The following STXBP6 variants were observed in gnomAD, a reference collection of about 807,000 sequenced individuals.
STXBP6 encodes syntaxin-binding protein 6.
A neutral mutation model predicts 26.9 loss-of-function variants in STXBP6; 21 were observed. That is an observed-to-expected ratio of 0.78 (90% CI 0.55 to 1.12). STXBP6 has a LOEUF of 1.12. Ranked by LOEUF, STXBP6 falls within the 50% of genes most tolerant of loss-of-function variation. The probability of loss-of-function intolerance (pLI) is 0.00; values close to 1 mark genes in which losing one functional copy is unlikely to be tolerated. For missense variants in STXBP6, 232 were observed against 257.9 expected (o/e 0.90, Z 0.69); for synonymous variants, 97 against 92.6 (o/e 1.05, Z -0.27).
intron 2 of STXBP6, among the ~76,000 whole-genome samples, chr14:24,877,512 C>A (rs1416201544): frequency 6.6e-6 from 1 of 151,978 alleles, no homozygotes; most frequent in Non-Finnish European, 1.5e-5. Flanking sequence ...TATACATATT[C>A]TTTCCTTCCT....
chr14:24,900,612 A>G (rs1210952180), intron 2 of STXBP6, among the ~76,000 whole-genome samples: 2 of 152,238 alleles, frequency 1.3e-5, no homozygotes, highest in Non-Finnish European at 2.9e-5. Context: ...AGAAAGTTCT[A>G]CAAAATTATT....
At chr14:25,033,260 G>C (rs2075493000) in intron 1 of STXBP6, among the ~76,000 whole-genome samples, 1 of 152,082 alleles carries the variant, frequency 6.6e-6, no homozygotes, top group Non-Finnish European at 1.5e-5. Context: ...ACCACATCCA[G>C]TCATATCACT....
At position 24,833,171 on chromosome 14, in the gene STXBP6, T is replaced by C. The variant is rs367619549; in HGVS notation, c.452-13977A>G. On this transcript the variant is annotated intron_variant, in intron 4 of 5. Transcript: ENST00000323944. Reference sequence around the variant, plus strand: ...TGGATCTGCATTCACCCCAGCCTCATGACGTTGCAGTTACACCAAGGATAT... The same window carrying C: ...TGGATCTGCATTCACCCCAGCCTCACGACGTTGCAGTTACACCAAGGATAT... Among the ~76,000 whole-genome samples, 4 of 152,322 alleles carry C rather than the reference T, an allele frequency of 2.6e-5. No homozygotes were observed. In the East Asian group the frequency reaches 5.8e-4, roughly 22 times the overall value.
At chr14:24,826,313 T>C (rs948413807) in intron 4 of STXBP6, among the ~76,000 whole-genome samples, 1 of 152,098 alleles carries the variant, frequency 6.6e-6, no homozygotes, top group Non-Finnish European at 1.5e-5. Flanking sequence ...ATCTATCTCA[T>C]GAGATTGCTG....
At chr14:24,913,089 C>T (rs117948473) in intron 2 of STXBP6, among the ~76,000 whole-genome samples, 2,184 of 152,238 alleles carry the variant, frequency 0.014, 21 homozygotes, top group Non-Finnish European at 0.023. Flanking sequence ...AATTCACAGA[C>T]TCATCAAATG....
chr14:24,939,678 G>T (rs2072733330), intron 2 of STXBP6, among the ~76,000 whole-genome samples: 1 of 152,012 alleles, frequency 6.6e-6, no homozygotes, highest in Non-Finnish European at 1.5e-5. Flanking sequence ...ACAAAATGTG[G>T]GTAACATTCA....
At chr14:24,877,994 T>C (rs993831923) in intron 2 of STXBP6, among the ~76,000 whole-genome samples, 2 of 152,152 alleles carry the variant, frequency 1.3e-5, no homozygotes, top group Non-Finnish European at 2.9e-5. Flanking sequence ...TGCATTTGTC[T>C]TATTATTGGT....
chr14:24,913,153 G>A (rs2071635612), intron 2 of STXBP6, among the ~76,000 whole-genome samples: 1 of 152,062 alleles, frequency 6.6e-6, no homozygotes, highest in Non-Finnish European at 1.5e-5. Context: ...TCCACTGAGG[G>A]GATTCCAACA....
At chr14:24,847,746 G>C (rs2069012766) in intron 4 of STXBP6, among the ~76,000 whole-genome samples, 3 of 152,122 alleles carry the variant, frequency 2.0e-5, no homozygotes. Context: ...CCATTCTCTT[G>C]TAAAGTTTAG....
intron 4 of STXBP6, among the ~76,000 whole-genome samples, chr14:24,825,270 A>G (rs921309491): frequency 6.6e-6 from 1 of 152,178 alleles, no homozygotes; most frequent in Non-Finnish European, 1.5e-5. Context: ...TTAAAGGAGG[A>G]AAAATAAATT....
chr14:24,853,918 G>A (rs747547176), intron 4 of STXBP6, among the ~76,000 whole-genome samples: 1 of 152,094 alleles, frequency 6.6e-6, no homozygotes, highest in Non-Finnish European at 1.5e-5. Flanking sequence ...GGATATTCAG[G>A]AAGGCAAAGG....
chr14:24,838,430 A>G (rs2068687180), intron 4 of STXBP6, among the ~76,000 whole-genome samples: 1 of 152,224 alleles, frequency 6.6e-6, no homozygotes, highest in South Asian at 2.1e-4. Flanking sequence ...TCATGCCTGT[A>G]ATCCGAGCAC....
At chr14:24,876,872 T>A (rs895623958) in intron 2 of STXBP6, among the ~76,000 whole-genome samples, 1 of 152,220 alleles carries the variant, frequency 6.6e-6, no homozygotes, top group African/African-American at 2.4e-5. Context: ...TTTGGCACTA[T>A]AATTTAACAC....
intron 2 of STXBP6, among the ~76,000 whole-genome samples, chr14:24,861,340 T>A (rs971624273): frequency 6.6e-6 from 1 of 152,100 alleles, no homozygotes; most frequent in African/African-American, 2.4e-5. Flanking sequence ...TAGAATATTA[T>A]CAGGGCTGCT....
intron 1 of STXBP6, among the ~76,000 whole-genome samples, chr14:24,990,751 G>A (rs1427809210): frequency 6.6e-6 from 1 of 151,842 alleles, no homozygotes; most frequent in African/African-American, 2.4e-5. Flanking sequence ...TTTAAGGTCA[G>A]TTATGCAGAA....
intron 1 of STXBP6, among the ~76,000 whole-genome samples, chr14:25,034,271 C>G (rs951980878): frequency 6.6e-5 from 10 of 152,146 alleles, no homozygotes; most frequent in African/African-American, 2.2e-4. Context: ...AGAACCATAT[C>G]CCTCTGTGGA....
intron 1 of STXBP6, among the ~76,000 whole-genome samples, chr14:25,026,101 G>C (rs1283776814): frequency 6.6e-6 from 1 of 152,128 alleles, no homozygotes; most frequent in African/African-American, 2.4e-5. Flanking sequence ...TGCTATTATA[G>C]CACCTTGCAC....
intron 2 of STXBP6, among the ~76,000 whole-genome samples, chr14:24,940,438 T>C (rs1376584879): frequency 6.6e-6 from 1 of 152,208 alleles, no homozygotes; most frequent in Non-Finnish European, 1.5e-5. Context: ...ATGAAGTATG[T>C]GATGTGTGAT....
At chr14:25,039,350 G>GGA (rs1212972753) in intron 1 of STXBP6, among the ~76,000 whole-genome samples, 2 of 152,134 alleles carry the variant, frequency 1.3e-5, no homozygotes, top group Non-Finnish European at 2.9e-5. Context: ...TTTCAAAAGT[G>GGA]GAGAGCTTTT....
Sources: gnomAD v4.1 joint callset for allele counts (sites outside exome capture counted in the v4.1 genomes callset) on GRCh38, gnomAD v4.1.1 for gene constraint, MANE v1.5 for transcripts, NCBI Gene and HGNC (gene_info 2026-07-23, HGNC 2026-07-21) for gene names.